NCOR2: variants seen among roughly 807,000 people sequenced by gnomAD.
NCOR2 encodes the protein nuclear receptor corepressor 2.
A neutral mutation model predicts 262.9 loss-of-function variants in NCOR2; 81 were observed. The ratio of observed to expected loss-of-function variants is 0.31; its 90% confidence interval spans 0.26 to 0.37. The LOEUF (loss-of-function observed/expected upper bound fraction) is 0.37. NCOR2 is among the 10% of genes least tolerant of loss of function. NCOR2 has a pLI of 1.00. For missense variants in NCOR2, 3,385 were observed against 3,621.4 expected (o/e 0.93, Z 1.68); for synonymous variants, 1,659 against 1,559.3 (o/e 1.06, Z -1.51).
exon 32 of NCOR2, chr12:124,344,752 C>A (rs926260945): frequency 1.4e-5 from 21 of 1,546,916 alleles, no homozygotes; most frequent in Non-Finnish European, 1.8e-5. Context: ...CGCAATGGAG[C>A]CCCCCGAGCT....
At chr12:124,330,746 C>T in intron 44 of NCOR2, 99 bp downstream of exon 46, 1 of 1,325,002 alleles carries the variant, frequency 7.5e-7, no homozygotes, top group Non-Finnish European at 1.1e-6. Context: ...TACACCCAGA[C>T]TAGCGAAGGC....
At chr12:124,545,587 G>A (rs2051515690) in intron 1 of NCOR2, among the ~76,000 whole-genome samples, 1 of 152,192 alleles carries the variant, frequency 6.6e-6, no homozygotes, top group Non-Finnish European at 1.5e-5. Flanking sequence ...GCTCAGCCCG[G>A]GATCTTTCTC....
At chr12:124,561,578 T>G (rs766908347) in intron 1 of NCOR2, among the ~76,000 whole-genome samples, 1 of 148,460 alleles carries the variant, frequency 6.7e-6, no homozygotes. Context: ...GAAGAAAGAG[T>G]GAGATGTGGG....
At chr12:124,554,137 C>T (rs2051807796) in intron 1 of NCOR2, among the ~76,000 whole-genome samples, 1 of 152,246 alleles carries the variant, frequency 6.6e-6, no homozygotes, top group Non-Finnish European at 1.5e-5. Flanking sequence ...CCTCCTGATG[C>T]TTAAAGATGA....
intron 15 of NCOR2, among the ~76,000 whole-genome samples, chr12:124,399,244 C>A (rs905025745): frequency 4.6e-5 from 7 of 152,122 alleles, no homozygotes; most frequent in African/African-American, 1.4e-4. Flanking sequence ...ATCGATGCTC[C>A]CATTCCTCCC....
chr12:124,325,386 CCCG>C lies in NCOR2; in HGVS notation c.*13_*15del. 2.3e-4 allele frequency: 138 copies of C among 589,818 alleles called. 2 individuals are homozygous for C. The highest frequency in any genetic ancestry group is 3.1e-4 in the Non-Finnish European group (126 of 409,558). 36.5% of individuals were successfully genotyped at this position (589,818 alleles called of 1,614,324 possible). On this transcript the variant is annotated 3_prime_UTR_variant, in exon 47 of 47. Transcript: ENST00000405201. ...GCTGGGACCTGACACCGCCCCCCCC[CCCG>C]CCCTGTTCTGAGTCACTCGCTGTCG...
chr12:124,405,984 C>T (rs2042253389), intron 13 of NCOR2, among the ~76,000 whole-genome samples: 1 of 152,184 alleles, frequency 6.6e-6, no homozygotes, highest in Non-Finnish European at 1.5e-5. Flanking sequence ...TCCTGATGCC[C>T]AGGCCGCACC....
At chr12:124,362,101 C>T (rs776843084) in intron 22 of NCOR2, 25 bp downstream of exon 24, 2 of 1,280,256 alleles carry the variant, frequency 1.6e-6, no homozygotes, top group Non-Finnish European at 2.0e-6. Flanking sequence ...GCCCCAGCCC[C>T]ACTCAGCCAC....
At chr12:124,497,316 T>A (rs2048429741), upstream of NCOR2, among the ~76,000 whole-genome samples, 2 of 152,196 alleles carry the variant, frequency 1.3e-5, no homozygotes. This position sits in a 1 kb window ranked among gnomAD's most constrained non-coding sequence, Gnocchi z 4.2. Context: ...ACAGGATGTA[T>A]GGCGCAATTC....
chr12:124,469,439 A>C (rs1384194202), intron 4 of NCOR2, among the ~76,000 whole-genome samples: 1 of 152,270 alleles, frequency 6.6e-6, no homozygotes, highest in Non-Finnish European at 1.5e-5. Flanking sequence ...CGGAACAAAC[A>C]AAGCCAAGAA....
chr12:124,327,374 G>A, intron 45 of NCOR2, 35 bp downstream of exon 47: 1 of 1,380,406 alleles, frequency 7.2e-7, no homozygotes, highest in Non-Finnish European at 9.6e-7. Flanking sequence ...CGGGGGTGGG[G>A]ACAGACGGGG....
chr12:124,558,866 C>A (rs922723127), intron 1 of NCOR2, among the ~76,000 whole-genome samples: 1 of 152,180 alleles, frequency 6.6e-6, no homozygotes, highest in Non-Finnish European at 1.5e-5. Context: ...CCCATTTCAC[C>A]GCCAGGGAAA....
At chr12:124,403,775 T>C (rs2042114348) in intron 13 of NCOR2, among the ~76,000 whole-genome samples, 1 of 152,104 alleles carries the variant, frequency 6.6e-6, no homozygotes, top group Non-Finnish European at 1.5e-5. Flanking sequence ...CACAACGCTC[T>C]CTCCAGCCTC....
intron 22 of NCOR2, among the ~76,000 whole-genome samples, chr12:124,359,974 C>T (rs570937927): frequency 6.6e-5 from 10 of 152,344 alleles, no homozygotes; most frequent in Admixed American, 2.0e-4. Flanking sequence ...ACCGTCCCCA[C>T]GGGGAATGAG....
At position 124,357,068 on chromosome 12, in the gene NCOR2, A is replaced by T. The variant is rs746007797; in HGVS notation, c.3101-286T>A. Among the ~76,000 whole-genome samples the T allele has an allele frequency of 1.0e-3, 154 of 152,336 alleles. 2 individuals are homozygous for T. Among genetic ancestry groups the T allele is most frequent in the Admixed American group, 4.0e-3 (61 of 15,306 alleles). ...CCTCTGGCTTTGCAACCCCACAAGC[A>T]CTCAACCAAGCCCAGCAAGCCAAGG... On this transcript the variant is annotated intron_variant, in intron 22 of 46. Transcript: ENST00000405201.
Position 124,481,809 on chromosome 12 carries a change from C to T in NCOR2, c.411+1787G>A, listed in dbSNP as rs73225443. Among the ~76,000 whole-genome samples, 7,689 of 152,208 alleles carry T rather than the reference C, an allele frequency of 0.051. 302 individuals are homozygous for T. The highest frequency in any genetic ancestry group is 0.079 in the Non-Finnish European group (5,351 of 67,986). On this transcript the variant is annotated intron_variant, in intron 3 of 46. Coordinates refer to ENST00000405201, the Ensembl canonical transcript of NCOR2. The surrounding 1 kb of genome is among the most constrained non-coding windows in gnomAD (Gnocchi z 4.6). ...GGAACACACAGGGGGATGCAGTCGT[C>T]TGCCTTTATAAGAGCCCTCTGGCTG...
chr12:124,504,710 G>T lies in NCOR2; in HGVS notation c.-117-9342C>A, dbSNP rs1566006242. On this transcript the variant is annotated intron_variant, in intron 1 of 46. Coordinates refer to the NCOR2 transcript ENST00000404621. This position sits in a 1 kb window ranked among gnomAD's most constrained non-coding sequence, Gnocchi z 4.5. ...TGGACTACGATTCAGCCACGCAAAG[G>T]TAAGCGCTGACTCAGCCACAACGCA... is the stretch of plus-strand genomic sequence containing the variant. Among the ~76,000 whole-genome samples, 1 of 152,234 alleles carries T rather than the reference G, an allele frequency of 6.6e-6. No individual in the cohort carries two copies. Among genetic ancestry groups the T allele is most frequent in the African/African-American group, 2.4e-5 (1 of 41,456 alleles).
chr12:124,483,499 C>T lies in NCOR2; in HGVS notation c.411+97G>A. 7.6e-7 allele frequency: 1 copy of T among 1,319,940 alleles called. No homozygotes were observed. The allele number at this position is 1,319,940 out of a possible 1,614,324, so 81.8% of individuals were successfully genotyped here. ...ACCTCCAAGCCTTTGCCCGAGCTGCCCCCTCCCTGCACCCCTACCCACCAC... is the reference window on the plus strand; with the variant it reads ...ACCTCCAAGCCTTTGCCCGAGCTGCTCCCTCCCTGCACCCCTACCCACCAC... On this transcript the variant is annotated intron_variant, in intron 3 of 46. Coordinates refer to ENST00000405201, the Ensembl canonical transcript of NCOR2. This position sits in a 1 kb window ranked among gnomAD's most constrained non-coding sequence, Gnocchi z 6.3.
At chr12:124,398,943 G>C (rs997017914) in intron 15 of NCOR2, among the ~76,000 whole-genome samples, 1 of 152,184 alleles carries the variant, frequency 6.6e-6, no homozygotes, top group African/African-American at 2.4e-5. Flanking sequence ...ACTATTTTTG[G>C]GTCTGTCTGC....
Sources: allele counts gnomAD v4.1 joint callset (sites outside exome capture counted in the v4.1 genomes callset), GRCh38; gene constraint gnomAD v4.1.1; non-coding constraint Gnocchi (gnomAD v3.1); transcripts MANE v1.5; gene names NCBI Gene and HGNC (gene_info 2026-07-23, HGNC 2026-07-21).